LAMB4: variants seen among roughly 807,000 people sequenced by gnomAD.
LAMB4 encodes the protein laminin subunit beta 4, also known as laminin subunit beta-4.
LAMB4 carries 196 observed loss-of-function variants against 199.2 expected under a neutral mutation model. The observed-to-expected ratio is 0.98, with a 90% CI of 0.88 to 1.11. LAMB4 has a LOEUF of 1.11. LAMB4 is among the 50% of genes least tolerant of loss of function. The pLI is 0.00. For missense variants in LAMB4, 2,080 were observed against 2,171.2 expected (o/e 0.96, Z 0.83); for synonymous variants, 744 against 770.6 (o/e 0.97, Z 0.57).
intron 27 of LAMB4, among the ~76,000 whole-genome samples, chr7:108,048,939 C>A (rs1478587274): frequency 6.6e-6 from 1 of 152,172 alleles, no homozygotes; most frequent in African/African-American, 2.4e-5. Context: ...AATCTGCCCA[C>A]CTTGGCCTCC....
In LAMB4 at chr7:108,091,163, G is replaced by A. The variant is rs191035544; in HGVS notation, c.1701+463C>T. Among the ~76,000 whole-genome samples the A allele has an allele frequency of 2.0e-4, 30 of 150,608 alleles. No homozygotes were observed. In the South Asian group the frequency reaches 2.9e-3, roughly 15 times the overall value. On this transcript the variant is annotated intron_variant, in intron 14 of 33. Coordinates refer to ENST00000388781, the MANE Select transcript of LAMB4 (RefSeq NM_007356.3). ...ACTCTTGAGAACCTTCTATACTTTCGTCATGCATTTATTAGCAGATATCTA... is the reference window on the plus strand; with the variant it reads ...ACTCTTGAGAACCTTCTATACTTTCATCATGCATTTATTAGCAGATATCTA...
intron 14 of LAMB4, among the ~76,000 whole-genome samples, chr7:108,083,561 A>G (rs2037041373): frequency 6.6e-6 from 1 of 152,122 alleles, no homozygotes; most frequent in African/African-American, 2.4e-5. Flanking sequence ...TACACAAACC[A>G]TACTATCTGG....
chr7:108,108,246 T>C (rs73725336), intron 5 of LAMB4, among the ~76,000 whole-genome samples: 1 of 152,328 alleles, frequency 6.6e-6, no homozygotes, highest in African/African-American at 2.4e-5. Flanking sequence ...TCTTTTAAAA[T>C]CTACTACACA....
intron 25 of LAMB4, among the ~76,000 whole-genome samples, chr7:108,052,543 G>C (rs1174967764): frequency 6.6e-6 from 1 of 152,094 alleles, no homozygotes; most frequent in African/African-American, 2.4e-5. Flanking sequence ...TTTATGCTCT[G>C]TCTTTCTTCG....
intron 33 of LAMB4, among the ~76,000 whole-genome samples, chr7:108,025,973 T>G (rs2034823150): frequency 6.6e-6 from 1 of 152,116 alleles, no homozygotes; most frequent in Non-Finnish European, 1.5e-5. Flanking sequence ...TGCTGATAAG[T>G]GGTCAGAGGA....
intron 22 of LAMB4, 64 bp from the exon 23 acceptor site, chr7:108,063,058 A>T: frequency 9.2e-7 from 1 of 1,091,980 alleles, no homozygotes; most frequent in Non-Finnish European, 1.3e-6. Context: ...AGCAAACCAT[A>T]CAAACAGCGT....
At chr7:108,014,623 C>A in the LAMB4 span, among the ~76,000 whole-genome samples, 1 of 151,888 alleles carries the variant, frequency 6.6e-6, no homozygotes, top group East Asian at 1.9e-4. Flanking sequence ...TGTATGATTG[C>A]CGTATAGGAA....
intron 29 of LAMB4, among the ~76,000 whole-genome samples, chr7:108,041,660 C>T (rs556581901): frequency 1.1e-3 from 161 of 152,252 alleles, no homozygotes; most frequent in Admixed American, 3.6e-3. Flanking sequence ...AACCAAATAC[C>T]GCATGTTCTC....
intron 33 of LAMB4, among the ~76,000 whole-genome samples, chr7:108,026,274 C>G (rs1056827316): frequency 2.0e-5 from 3 of 152,204 alleles, no homozygotes; most frequent in African/African-American, 7.2e-5. Context: ...CCCCCACGCC[C>G]CCGAATCTGG....
intron 5 of LAMB4, among the ~76,000 whole-genome samples, chr7:108,108,291 A>T (rs1260392282): frequency 6.6e-6 from 1 of 152,224 alleles, no homozygotes; most frequent in African/African-American, 2.4e-5. Context: ...AGTATTTATG[A>T]GTACACACTT....
chr7:108,024,673 T>C (rs1339328045), intron 33 of LAMB4, among the ~76,000 whole-genome samples: 2 of 151,888 alleles, frequency 1.3e-5, no homozygotes, highest in Non-Finnish European at 2.9e-5. Context: ...ATCAATCCAT[T>C]GATCCGTCGA....
intron 9 of LAMB4, among the ~76,000 whole-genome samples, chr7:108,103,531 A>G (rs758405152): frequency 5.3e-5 from 8 of 152,244 alleles, no homozygotes; most frequent in Non-Finnish European, 7.3e-5. Flanking sequence ...CACAGAGTGC[A>G]ATATTTGTGG....
intron 14 of LAMB4, among the ~76,000 whole-genome samples, chr7:108,085,366 T>C (rs2037129559): frequency 1.3e-5 from 2 of 152,254 alleles, no homozygotes; most frequent in Non-Finnish European, 2.9e-5. Context: ...AATGTTCTTA[T>C]GTTTGCAGTT....
the LAMB4 span, among the ~76,000 whole-genome samples, chr7:108,016,429 A>G: frequency 6.6e-6 from 1 of 151,948 alleles, no homozygotes; most frequent in African/African-American, 2.4e-5. Flanking sequence ...GACTACAGGC[A>G]TGTTCCATCA....
At chr7:108,099,760 A>G (rs1213424052) in intron 10 of LAMB4, among the ~76,000 whole-genome samples, 1 of 152,250 alleles carries the variant, frequency 6.6e-6, no homozygotes, top group Non-Finnish European at 1.5e-5. Context: ...CCATGTCTAT[A>G]TAACCACCAT....
At chr7:108,037,149 G>C (rs955673320) in intron 30 of LAMB4, among the ~76,000 whole-genome samples, 1 of 151,910 alleles carries the variant, frequency 6.6e-6, no homozygotes, top group African/African-American at 2.4e-5. Context: ...AAAGGTATCA[G>C]GCCACTGGAA....
chr7:108,070,802 C>A (rs1044075988), intron 17 of LAMB4, among the ~76,000 whole-genome samples: 1 of 152,038 alleles, frequency 6.6e-6, no homozygotes, highest in Non-Finnish European at 1.5e-5. Flanking sequence ...GGTGTTGACA[C>A]CCCTAACCCC....
At chr7:108,111,748 G>A (rs2038231607) in intron 4 of LAMB4, 63 bp downstream of exon 4, 1 of 1,416,332 alleles carries the variant, frequency 7.1e-7, no homozygotes, top group African/African-American at 1.4e-5. Context: ...AACCATACAA[G>A]GAAGAGGATG....
At chr7:108,043,543 A>ATTTTTTT (rs1385299702) in intron 29 of LAMB4, among the ~76,000 whole-genome samples, 3 of 59,694 alleles carry the variant, frequency 5.0e-5, no homozygotes, top group Admixed American at 2.0e-4. Context: ...ACTGGCTATG[A>ATTTTTTT]TGTTTTTTTT....
Sources: allele counts gnomAD v4.1 joint callset (sites outside exome capture counted in the v4.1 genomes callset), GRCh38; gene constraint gnomAD v4.1.1; transcripts MANE v1.5; gene names NCBI Gene and HGNC (gene_info 2026-07-23, HGNC 2026-07-21).